ZMAT5: variants seen among roughly 807,000 people sequenced by gnomAD.
ZMAT5 encodes zinc finger matrin-type protein 5.
ZMAT5 carries 23 observed loss-of-function variants against 28.0 expected under a neutral mutation model. That is an observed-to-expected ratio of 0.82 (90% CI 0.59 to 1.16). The LOEUF (loss-of-function observed/expected upper bound fraction) is 1.16. Ranked by LOEUF, ZMAT5 falls within the 50% of genes most tolerant of loss-of-function variation. The pLI is 0.00. For synonymous variants in ZMAT5, 76 were observed against 84.1 expected, an observed-to-expected ratio of 0.90 and a Z score of 0.52; for missense variants, 173 against 212.7, an observed-to-expected ratio of 0.81 and a Z score of 1.16.
intron 2 of ZMAT5, among the ~76,000 whole-genome samples, chr22:29,744,134 G>A (rs534059589): frequency 1.3e-5 from 2 of 152,306 alleles, no homozygotes; most frequent in South Asian, 4.1e-4. Flanking sequence ...CCCAACTCTG[G>A]TGGTACATGA....
chr22:29,737,800 G>A (rs948884678), intron 5 of ZMAT5, among the ~76,000 whole-genome samples: 2 of 152,014 alleles, frequency 1.3e-5, no homozygotes, highest in Non-Finnish European at 2.9e-5. Context: ...CAAGGACCCC[G>A]ATCCAGCAGC....
chr22:29,738,079 C>T (rs1002641647), intron 5 of ZMAT5, among the ~76,000 whole-genome samples: 1 of 152,142 alleles, frequency 6.6e-6, no homozygotes, highest in Non-Finnish European at 1.5e-5. Context: ...TCAGCTCTGC[C>T]GCCTGCCTCC....
intron 1 of ZMAT5, among the ~76,000 whole-genome samples, chr22:29,760,070 A>C (rs5763466): frequency 0.24 from 35,894 of 151,988 alleles, 4,711 homozygotes; most frequent in South Asian, 0.5. Context: ...GAATGGCGGC[A>C]CGAGCCTGTA....
At chr22:29,738,853 T>C (rs1293305893) in intron 4 of ZMAT5, among the ~76,000 whole-genome samples, 1 of 151,416 alleles carries the variant, frequency 6.6e-6, no homozygotes, top group Non-Finnish European at 1.5e-5. Context: ...AAAATAAAAA[T>C]AAAAAAAATT....
intron 1 of ZMAT5, among the ~76,000 whole-genome samples, chr22:29,764,912 G>C (rs1179594767): frequency 2.6e-5 from 4 of 152,170 alleles, no homozygotes; most frequent in East Asian, 1.9e-4. Flanking sequence ...TGGGATTATA[G>C]GTGTGAGGCA....
intron 1 of ZMAT5, among the ~76,000 whole-genome samples, chr22:29,751,084 G>A (rs2068051725): frequency 1.3e-5 from 2 of 152,204 alleles, no homozygotes; most frequent in South Asian, 4.1e-4. Flanking sequence ...GAAATTGTAA[G>A]AGATGAACGT....
At chr22:29,737,432 G>A (rs2147217277) in intron 5 of ZMAT5, among the ~76,000 whole-genome samples, 1 of 152,338 alleles carries the variant, frequency 6.6e-6, no homozygotes, top group Non-Finnish European at 1.5e-5. Flanking sequence ...AGCTCCAAGG[G>A]AAGGCCTCTT....
chr22:29,744,077 T>C (rs911047120), intron 2 of ZMAT5, among the ~76,000 whole-genome samples: 3 of 152,204 alleles, frequency 2.0e-5, no homozygotes, highest in Non-Finnish European at 2.9e-5. Context: ...TGTGAAAATG[T>C]CATCAGATAA....
In ZMAT5 at chr22:29,731,270, G is replaced by A. The variant is rs766430456; in HGVS notation, c.468C>T (p.Pro156=). Residue 156 remains proline (P), a synonymous_variant, in exon 6 of 6, where the codon CCC becomes CCT. Coordinates refer to ENST00000344318, the MANE Select transcript of ZMAT5 (RefSeq NM_001003692.2). ...VQELPPSLRA[P]PPGGWPLQPR... ...GCTGCAGAGGCCACCCCCCAGGTGGGGGTGCCCGCAGGGATGGAGGCAGCT... is the reference window on the plus strand; with the variant it reads ...GCTGCAGAGGCCACCCCCCAGGTGGAGGTGCCCGCAGGGATGGAGGCAGCT... The A allele has an allele frequency of 2.0e-6, 3 of 1,519,456 alleles. No individual in the cohort carries two copies. The highest frequency in any genetic ancestry group is 2.6e-5 in the East Asian group (1 of 37,902). The allele number at this position is 1,519,456 out of a possible 1,614,324, so 94.1% of individuals were successfully genotyped here.
At chr22:29,732,513 G>T (rs1377806973) in intron 5 of ZMAT5, among the ~76,000 whole-genome samples, 1 of 152,126 alleles carries the variant, frequency 6.6e-6, no homozygotes, top group African/African-American at 2.4e-5. Flanking sequence ...CAAGGCGGGT[G>T]GATCACGAGA....
chr22:29,752,341 T>C (rs549694290), intron 1 of ZMAT5, among the ~76,000 whole-genome samples: 1 of 152,324 alleles, frequency 6.6e-6, no homozygotes, highest in East Asian at 1.9e-4. Flanking sequence ...TGTGTGTATA[T>C]GTGTGGGTGT....
intron 1 of ZMAT5, among the ~76,000 whole-genome samples, chr22:29,762,190 T>C (rs1384662763): frequency 6.6e-6 from 1 of 152,224 alleles, no homozygotes; most frequent in Non-Finnish European, 1.5e-5. Flanking sequence ...GAAATTAAGC[T>C]GTAAATAGGG....
Position 29,738,402 on chromosome 22 carries a change from TC to T in ZMAT5, c.310del (p.Glu104SerfsTer18). The part of the protein sequence containing the change: ...RAREWLLDAP[E>X]LPEGHLEDWL... ...GTCCTCCAGATGGCCCTCGGGGAGC[TC>T]AGGAGCATCTAGTAGCCACTCCCTG... On this transcript the variant is annotated frameshift_variant, in exon 5 of 6. Coordinates refer to ENST00000344318, the MANE Select transcript of ZMAT5 (RefSeq NM_001003692.2). LOFTEE classifies it high-confidence loss of function. 1 of 1,609,802 alleles carries T rather than the reference TC, an allele frequency of 6.2e-7. No individual in the cohort carries two copies. The highest frequency in any genetic ancestry group is 1.1e-5 in the South Asian group (1 of 90,958).
chr22:29,763,297 A>C (rs1293419891), intron 1 of ZMAT5, among the ~76,000 whole-genome samples: 1 of 112,198 alleles, frequency 8.9e-6, no homozygotes, highest in Non-Finnish European at 2.0e-5. Flanking sequence ...TGCCTCAATA[A>C]ATAAATAAAT....
intron 5 of ZMAT5, among the ~76,000 whole-genome samples, chr22:29,734,898 G>C (rs2067890074): frequency 6.6e-6 from 1 of 152,220 alleles, no homozygotes; most frequent in Non-Finnish European, 1.5e-5. Flanking sequence ...GGAAGCGCCA[G>C]GGCCAGGGTG....
intron 1 of ZMAT5, among the ~76,000 whole-genome samples, chr22:29,753,725 G>A (rs1349913936): frequency 6.6e-6 from 1 of 152,034 alleles, no homozygotes; most frequent in Non-Finnish European, 1.5e-5. Flanking sequence ...AAAAGAACCA[G>A]CTGTGCAGAG....
chr22:29,763,474 C>T (rs575589121), intron 1 of ZMAT5, among the ~76,000 whole-genome samples: 5 of 145,276 alleles, frequency 3.4e-5, no homozygotes, highest in Admixed American at 2.1e-4. Flanking sequence ...TGGTGGCGGG[C>T]GCCTGTAATC....
rs570141768 is a variant in ZMAT5 at position 29,748,084 on chromosome 22, C to T, written c.127+334G>A. 9 of 373,898 alleles carry T rather than the reference C, an allele frequency of 2.4e-5. 1 individual carries two copies. The highest frequency in any genetic ancestry group is 9.2e-4 in the Middle Eastern group (1 of 1,086). 23.2% of individuals were successfully genotyped at this position (373,898 alleles called of 1,614,324 possible). On this transcript the variant is annotated intron_variant, in intron 2 of 5. Transcript: ENST00000344318. Reference sequence around the variant, plus strand: ...CAGCCACACCCTCTCCCTCCTGCTCCGAGAGCCCTGGTGCTGGACTCAGGG... The same window carrying T: ...CAGCCACACCCTCTCCCTCCTGCTCTGAGAGCCCTGGTGCTGGACTCAGGG...
chr22:29,746,116 G>A (rs1322314398), intron 2 of ZMAT5: 1 of 152,166 alleles, frequency 6.6e-6, no homozygotes, highest in Non-Finnish European at 1.5e-5. Flanking sequence ...GGAACCACAG[G>A]AATGGGCCAC....
Sources: gnomAD v4.1 joint callset for allele counts (sites outside exome capture counted in the v4.1 genomes callset) on GRCh38, gnomAD v4.1.1 for gene constraint, MANE v1.5 for transcripts, NCBI Gene and HGNC (gene_info 2026-07-23, HGNC 2026-07-21) for gene names.